GPHN: variants seen among roughly 807,000 people sequenced by gnomAD.
GPHN encodes the protein gephyrin.
A neutral mutation model predicts 95.5 loss-of-function variants in GPHN; 17 were observed. The observed-to-expected ratio is 0.18, with a 90% CI of 0.12 to 0.27. The LOEUF (loss-of-function observed/expected upper bound fraction) is 0.27. Among genes scored for constraint, GPHN ranks in the 10% least tolerant of loss-of-function variants. GPHN has a pLI of 1.00. For synonymous variants in GPHN, 320 were observed against 322.5 expected (o/e 0.99, Z 0.08); for missense variants, 660 against 978.1 (o/e 0.67, Z 4.34).
the GPHN span, among the ~76,000 whole-genome samples, chr14:67,499,469 C>T: frequency 1.3e-5 from 2 of 152,022 alleles, no homozygotes. Context: ...GGTAGAAGAC[C>T]ACAGGTTATC....
At chr14:67,571,981 G>A in the GPHN span, 2 of 1,509,274 alleles carry the variant, frequency 1.3e-6, no homozygotes, top group Non-Finnish European at 9.0e-7. Context: ...GAACATGGGC[G>A]TCCCCACTTG....
chr14:66,636,261 A>T (rs1188078221), intron 1 of GPHN, among the ~76,000 whole-genome samples: 2 of 152,104 alleles, frequency 1.3e-5, no homozygotes, highest in Non-Finnish European at 1.5e-5. Context: ...TGCCAGTAAG[A>T]AGCCTGCCAT....
the GPHN span, among the ~76,000 whole-genome samples, chr14:67,313,174 A>G: frequency 6.6e-6 from 1 of 152,202 alleles, no homozygotes; most frequent in African/African-American, 2.4e-5. Context: ...TGATGAAACT[A>G]TCCCTAACTT....
intron 4 of GPHN, among the ~76,000 whole-genome samples, chr14:66,855,317 A>G (rs976316440): frequency 6.6e-6 from 1 of 152,102 alleles, no homozygotes; most frequent in African/African-American, 2.4e-5. Context: ...GTAACCTTTA[A>G]TCTACTTTCT....
the GPHN span, chr14:67,340,534 A>AT: frequency 1.2e-6 from 2 of 1,604,516 alleles, no homozygotes; most frequent in East Asian, 4.5e-5. Flanking sequence ...ATAAAAAAAA[A>AT]AATAATATGT....
At chr14:67,446,711 A>G in the GPHN span, among the ~76,000 whole-genome samples, 2 of 152,222 alleles carry the variant, frequency 1.3e-5, no homozygotes, top group Non-Finnish European at 2.9e-5. Flanking sequence ...TGACAGAATC[A>G]GGATTCAAAA....
chr14:66,927,336 A>C (rs1303172952), intron 8 of GPHN, among the ~76,000 whole-genome samples: 2 of 146,012 alleles, frequency 1.4e-5, no homozygotes, highest in Non-Finnish European at 2.9e-5. Context: ...GTGATGGAGC[A>C]AGACTCCATC....
intron 4 of GPHN, among the ~76,000 whole-genome samples, chr14:66,866,556 T>A (rs1167579311): frequency 6.6e-6 from 1 of 152,134 alleles, no homozygotes; most frequent in Non-Finnish European, 1.5e-5. Flanking sequence ...AAAAATAATA[T>A]GTAAAGAGAA....
chr14:67,292,767 G>C, the GPHN span: 3 of 1,390,362 alleles, frequency 2.2e-6, no homozygotes, highest in Non-Finnish European at 3.0e-6. Context: ...AATTAGTAGT[G>C]GCAGGAAGGC....
intron 8 of GPHN, among the ~76,000 whole-genome samples, chr14:66,939,087 C>T (rs1276384915): frequency 6.6e-6 from 1 of 152,136 alleles, no homozygotes; most frequent in African/African-American, 2.4e-5. Flanking sequence ...CAATACAACT[C>T]TTGGAGTCAA....
the GPHN span, among the ~76,000 whole-genome samples, chr14:67,319,352 A>T: frequency 6.6e-6 from 1 of 152,210 alleles, no homozygotes; most frequent in Non-Finnish European, 1.5e-5. Context: ...CTCTGGTTTC[A>T]TCTGGATTAT....
chr14:67,028,419 T>C (rs1180793394), intron 10 of GPHN, among the ~76,000 whole-genome samples: 1 of 152,202 alleles, frequency 6.6e-6, no homozygotes, highest in Non-Finnish European at 1.5e-5. Flanking sequence ...GTAGTTCTAT[T>C]TGTAGTTTTT....
the GPHN span, chr14:67,685,171 C>T: frequency 6.2e-7 from 1 of 1,613,990 alleles, no homozygotes; most frequent in Admixed American, 1.7e-5. Context: ...TTGGACTGTG[C>T]CAGGGTGTAC....
intron 9 of GPHN, among the ~76,000 whole-genome samples, chr14:67,007,841 A>C (rs943418535): frequency 1.3e-5 from 2 of 152,174 alleles, no homozygotes; most frequent in African/African-American, 4.8e-5. Context: ...GATGAATGAA[A>C]AAGAGGGAGG....
intron 1 of GPHN, among the ~76,000 whole-genome samples, chr14:66,539,461 C>G (rs1171855011): frequency 7.3e-6 from 1 of 136,974 alleles, no homozygotes; most frequent in Non-Finnish European, 1.5e-5. Flanking sequence ...GTTGCCCAGG[C>G]TGGAGTGCAA....
chr14:67,409,966 G>T, the GPHN span, among the ~76,000 whole-genome samples: 1 of 152,126 alleles, frequency 6.6e-6, no homozygotes, highest in East Asian at 1.9e-4. Context: ...GCAGGGAGGG[G>T]TGTGACTTCT....
chr14:66,570,209 G>T, intron 1 of GPHN, among the ~76,000 whole-genome samples: 1 of 150,146 alleles, frequency 6.7e-6, no homozygotes, highest in Non-Finnish European at 1.5e-5. Context: ...GGACAATTAG[G>T]TTGATTCCAT....
intron 2 of GPHN, among the ~76,000 whole-genome samples, chr14:66,696,715 G>A (rs898359239): frequency 6.6e-6 from 1 of 152,176 alleles, no homozygotes; most frequent in Non-Finnish European, 1.5e-5. Flanking sequence ...CTGTGATGAA[G>A]TACCCCAATT....
chr14:66,699,972 A>G (rs1566836735), intron 2 of GPHN, among the ~76,000 whole-genome samples: 2 of 152,140 alleles, frequency 1.3e-5, no homozygotes, highest in Admixed American at 6.5e-5. Context: ...GATAACTACT[A>G]TTTTTTTAAA....
Sources: gnomAD v4.1 joint callset for allele counts (sites outside exome capture counted in the v4.1 genomes callset) on GRCh38, gnomAD v4.1.1 for gene constraint, MANE v1.5 for transcripts, NCBI Gene and HGNC (gene_info 2026-07-23, HGNC 2026-07-21) for gene names.